Variants in LRRC4C observed in about 807,000 individuals in gnomAD.
The protein encoded by LRRC4C is leucine-rich repeat-containing protein 4C.
A neutral mutation model predicts 33.6 loss-of-function variants in LRRC4C; 5 were observed. The observed-to-expected ratio is 0.15, with a 90% CI of 0.08 to 0.31. LRRC4C has a LOEUF of 0.31. Ranked by LOEUF, LRRC4C falls within the 10% of genes least tolerant of loss-of-function variation. LRRC4C has a pLI of 1.00. For missense variants in LRRC4C, 560 were observed against 796.7 expected (o/e 0.70, Z 3.58); for synonymous variants, 329 against 302.0 (o/e 1.09, Z -0.93).
intron 2 of LRRC4C, among the ~76,000 whole-genome samples, chr11:40,729,235 T>C (rs1176145242): frequency 6.6e-6 from 1 of 152,220 alleles, no homozygotes; most frequent in Non-Finnish European, 1.5e-5. Flanking sequence ...AATTAGTGTA[T>C]TTTGATGCAA....
intron 1 of LRRC4C, among the ~76,000 whole-genome samples, chr11:41,365,958 T>C (rs937770345): frequency 6.6e-6 from 1 of 152,210 alleles, no homozygotes; most frequent in African/African-American, 2.4e-5. Context: ...AAATAGTACC[T>C]TCCTCAAAGA....
Position 40,938,483 on chromosome 11 carries a change from A to G in LRRC4C, c.-495-4760T>C, listed in dbSNP as rs573057873. Among the ~76,000 whole-genome samples the G allele has an allele frequency of 7.2e-5, 11 of 152,302 alleles. 1 individual carries two copies. The East Asian group carries it at 2.1e-3, about 29-fold the overall frequency. Reference sequence around the variant, plus strand: ...GGCAGTAAATGTATGTGTTGAACACATACTATGTGTCAATATTATGGTAAA... The same window carrying G: ...GGCAGTAAATGTATGTGTTGAACACGTACTATGTGTCAATATTATGGTAAA... On this transcript the variant is annotated intron_variant, in intron 1 of 6. Transcript: ENST00000528697.
chr11:41,131,609 G>A (rs945033836), intron 1 of LRRC4C, among the ~76,000 whole-genome samples: 1 of 152,042 alleles, frequency 6.6e-6, no homozygotes, highest in African/African-American at 2.4e-5. Flanking sequence ...TAGGTACTAA[G>A]TAAAATAAGG....
At chr11:40,659,651 G>A (rs992525206) in intron 2 of LRRC4C, among the ~76,000 whole-genome samples, 11 of 152,194 alleles carry the variant, frequency 7.2e-5, no homozygotes, top group Non-Finnish European at 1.6e-4. Flanking sequence ...GGGAGGACTT[G>A]CCTGTGGAAA....
chr11:41,208,681 G>A (rs1946697056), intron 1 of LRRC4C, among the ~76,000 whole-genome samples: 1 of 152,242 alleles, frequency 6.6e-6, no homozygotes, highest in South Asian at 2.1e-4. Flanking sequence ...TTGGGAACAT[G>A]TGCTTCTCTA....
At chr11:40,358,345 A>T (rs1038620045) in intron 3 of LRRC4C, among the ~76,000 whole-genome samples, 3 of 151,916 alleles carry the variant, frequency 2.0e-5, no homozygotes, top group Admixed American at 1.3e-4. Context: ...TAGCGGTGGG[A>T]TCTTGGCTAA....
intron 3 of LRRC4C, among the ~76,000 whole-genome samples, chr11:40,320,874 T>C (rs1179410260): frequency 6.6e-6 from 1 of 152,238 alleles, no homozygotes; most frequent in South Asian, 2.1e-4. Context: ...TTTTATATAC[T>C]TATATATGCC....
chr11:41,313,524 T>C (rs953837119), intron 1 of LRRC4C, among the ~76,000 whole-genome samples: 2 of 152,054 alleles, frequency 1.3e-5, no homozygotes, highest in African/African-American at 4.8e-5. Context: ...GAAAAACAAA[T>C]GCATATTGAG....
At chr11:41,071,980 C>T (rs77076956) in intron 1 of LRRC4C, among the ~76,000 whole-genome samples, 40 of 152,088 alleles carry the variant, frequency 2.6e-4, no homozygotes, top group Non-Finnish European at 4.9e-4. Flanking sequence ...AATTGCAGCC[C>T]GGAGATGTGA....
chr11:40,411,150 A>AT (rs2137640495), intron 3 of LRRC4C, among the ~76,000 whole-genome samples: 1 of 152,230 alleles, frequency 6.6e-6, no homozygotes, highest in African/African-American at 2.4e-5. Flanking sequence ...TATTGACTAA[A>AT]AATTATATTA....
chr11:40,583,993 G>C (rs1056329006), intron 3 of LRRC4C, among the ~76,000 whole-genome samples: 1 of 151,446 alleles, frequency 6.6e-6, no homozygotes, highest in African/African-American at 2.4e-5. Context: ...AAGTTCTAAA[G>C]TCTTTCCAGC....
At chr11:40,279,186 G>A (rs1210222354) in intron 4 of LRRC4C, among the ~76,000 whole-genome samples, 1 of 152,018 alleles carries the variant, frequency 6.6e-6, no homozygotes, top group African/African-American at 2.4e-5. Context: ...TCTCTTTTTT[G>A]CTTAACCTCG....
intron 3 of LRRC4C, among the ~76,000 whole-genome samples, chr11:40,627,636 G>C (rs7121158): frequency 1.3e-5 from 2 of 152,166 alleles, no homozygotes; most frequent in Non-Finnish European, 2.9e-5. Flanking sequence ...AGAAGAGTTT[G>C]CACCTTTAAT....
At chr11:40,684,166 T>TA in intron 2 of LRRC4C, among the ~76,000 whole-genome samples, 1 of 150,670 alleles carries the variant, frequency 6.6e-6, no homozygotes, top group East Asian at 2.0e-4. Context: ...ATTGAAGAAA[T>TA]AAAAAAAAGC....
chr11:40,962,902 G>A (rs1479401639), intron 1 of LRRC4C, among the ~76,000 whole-genome samples: 1 of 151,676 alleles, frequency 6.6e-6, no homozygotes, highest in Admixed American at 6.6e-5. Flanking sequence ...AACAGGACAG[G>A]AAGCAGGAAG....
chr11:40,434,909 T>C (rs1209679237), intron 3 of LRRC4C, among the ~76,000 whole-genome samples: 1 of 152,202 alleles, frequency 6.6e-6, no homozygotes, highest in African/African-American at 2.4e-5. Context: ...CTGGTTTATT[T>C]AAAAATGTAA....
At chr11:40,653,022 C>T (rs1223458330) in intron 2 of LRRC4C, among the ~76,000 whole-genome samples, 1 of 152,130 alleles carries the variant, frequency 6.6e-6, no homozygotes, top group Admixed American at 6.5e-5. Context: ...TGAAGCGGTG[C>T]CTTCTGCCAT....
At chr11:40,473,619 A>G (rs1457847774) in intron 3 of LRRC4C, among the ~76,000 whole-genome samples, 1 of 152,164 alleles carries the variant, frequency 6.6e-6, no homozygotes, top group Admixed American at 6.5e-5. Flanking sequence ...TAGGCAAGAG[A>G]AAGAAATAAA....
chr11:40,204,630 G>A (rs1275727021), intron 5 of LRRC4C, among the ~76,000 whole-genome samples: 1 of 152,052 alleles, frequency 6.6e-6, no homozygotes, highest in Non-Finnish European at 1.5e-5. Context: ...TAAAGACAAG[G>A]AAAGTGTATT....
Sources: gnomAD v4.1 joint callset for allele counts (sites outside exome capture counted in the v4.1 genomes callset) on GRCh38, gnomAD v4.1.1 for gene constraint, MANE v1.5 for transcripts, NCBI Gene and HGNC (gene_info 2026-07-23, HGNC 2026-07-21) for gene names.